The following ATP5PB variants were observed in gnomAD, a reference collection of about 807,000 sequenced individuals.
The protein encoded by ATP5PB is ATP synthase peripheral stalk-membrane subunit b.
A neutral mutation model predicts 34.5 loss-of-function variants in ATP5PB; 21 were observed. The observed-to-expected ratio is 0.61, with a 90% confidence interval of 0.43 to 0.88. The LOEUF is 0.88. Among genes scored for constraint, ATP5PB ranks in the 40% least tolerant of loss-of-function variants. ATP5PB has a pLI of 0.00. For missense variants in ATP5PB, 293 were observed against 317.4 expected (o/e 0.92, Z 0.58); for synonymous variants, 108 against 114.1 (o/e 0.95, Z 0.34).
At chr1:111,455,688 T>C (rs572078315) in intron 3 of ATP5PB, among the ~76,000 whole-genome samples, 1 of 152,372 alleles carries the variant, frequency 6.6e-6, no homozygotes, top group Non-Finnish European at 1.5e-5. Flanking sequence ...TCCCATTCGA[T>C]AAATAGTATA....
At chr1:111,456,989 G>C (rs1033937530) in intron 5 of ATP5PB, among the ~76,000 whole-genome samples, 1 of 151,036 alleles carries the variant, frequency 6.6e-6, no homozygotes, top group Non-Finnish European at 1.5e-5. Flanking sequence ...AAAAAATTTT[G>C]GATCCACACA....
intron 5 of ATP5PB, among the ~76,000 whole-genome samples, chr1:111,457,659 G>T (rs1653514032): frequency 6.6e-6 from 1 of 152,074 alleles, no homozygotes; most frequent in Non-Finnish European, 1.5e-5. Flanking sequence ...GGCCAATGTG[G>T]TCTTGGTACC....
chr1:111,455,358 T>C (rs1215051099), intron 3 of ATP5PB, among the ~76,000 whole-genome samples: 1 of 152,216 alleles, frequency 6.6e-6, no homozygotes, highest in Non-Finnish European at 1.5e-5. Context: ...TAAAATGTAT[T>C]TGAGTTTGTA....
Position 111,462,729 on chromosome 1 carries a change from G to A in ATP5PB, c.*1735G>A, listed in dbSNP as rs779852448. 1 of 152,262 alleles carries A rather than the reference G, an allele frequency of 6.6e-6. No individual in the cohort carries two copies. The highest frequency in any genetic ancestry group is 1.9e-4 in the East Asian group (1 of 5,186). 9.4% of individuals were successfully genotyped at this position (152,262 alleles called of 1,614,324 possible). The stretch of plus-strand genomic sequence containing the variant: ...TTGTTACTTAAAGATAATTTGATTG[G>A]ATCAGCAGTTATTTCAAATTGATTA... On this transcript the variant is annotated 3_prime_UTR_variant, in exon 7 of 7. Coordinates refer to ENST00000369722, the MANE Select transcript of ATP5PB (RefSeq NM_001688.5).
chr1:111,452,411 A>G (rs1037331733), intron 2 of ATP5PB, among the ~76,000 whole-genome samples: 3 of 152,120 alleles, frequency 2.0e-5, no homozygotes, highest in East Asian at 1.9e-4. Flanking sequence ...ATAAAAAAAA[A>G]AAATAGCTGG....
At chr1:111,460,070 G>A (rs1447588913) in intron 6 of ATP5PB, among the ~76,000 whole-genome samples, 1 of 152,096 alleles carries the variant, frequency 6.6e-6, no homozygotes, top group African/African-American at 2.4e-5. Context: ...AGGCTGAGGT[G>A]ACAGGATCTC....
chr1:111,452,292 G>A (rs1653354821), intron 2 of ATP5PB, among the ~76,000 whole-genome samples: 1 of 152,174 alleles, frequency 6.6e-6, no homozygotes. Context: ...CAGAGGCCAG[G>A]TATAGTGTCT....
Position 111,451,706 on chromosome 1 carries a change from G to GA in ATP5PB, c.77+1833_77+1834insA, listed in dbSNP as rs1653341824. On this transcript the variant is annotated intron_variant, in intron 2 of 6. Coordinates refer to ENST00000369722, the MANE Select transcript of ATP5PB (RefSeq NM_001688.5). Reference sequence around the variant, plus strand: ...ATTGCTATAAAGTCATGGTATGAAGGGCATACAAGGCAGAAGGAGCAGCAT... The same window carrying GA: ...ATTGCTATAAAGTCATGGTATGAAGGAGCATACAAGGCAGAAGGAGCAGCAT... Among the ~76,000 whole-genome samples, 3 of 152,292 alleles carry GA rather than the reference G, an allele frequency of 2.0e-5. No homozygotes were observed. The South Asian group carries it at 6.2e-4, about 32-fold the overall frequency.
At chr1:111,458,740 A>G (rs1290930573) in intron 5 of ATP5PB, among the ~76,000 whole-genome samples, 4 of 152,098 alleles carry the variant, frequency 2.6e-5, no homozygotes, top group Admixed American at 6.5e-5. Flanking sequence ...TGTGATGCCT[A>G]TGGGTTAGCC....
chr1:111,458,841 G>T (rs188533368), intron 5 of ATP5PB, among the ~76,000 whole-genome samples: 1 of 152,102 alleles, frequency 6.6e-6, no homozygotes, highest in Non-Finnish European at 1.5e-5. Context: ...GTAACCTTGG[G>T]CAAGTTTCCT....
chr1:111,459,677 C>G, intron 6 of ATP5PB, 41 bp downstream of exon 6: 1 of 1,586,642 alleles, frequency 6.3e-7, no homozygotes, highest in Non-Finnish European at 8.6e-7. Flanking sequence ...GTACTGGTAT[C>G]TCTTAACAAG....
Position 111,449,489 on chromosome 1 carries a change from C to G in ATP5PB, c.-53C>G, listed in dbSNP as rs763912567. On this transcript the variant is annotated 5_prime_UTR_variant, in exon 1 of 7. Coordinates refer to ENST00000369722, the MANE Select transcript of ATP5PB (RefSeq NM_001688.5). ...CATCTTGGTCCTGCCCTGACAGATT[C>G]TCCTATCGGGGTCACAGGGACGCTA... 1.3e-5 allele frequency: 21 copies of G among 1,614,120 alleles called. No individual in the cohort carries two copies. The highest frequency in any genetic ancestry group is 1.7e-5 in the Non-Finnish European group (20 of 1,180,048).
At chr1:111,455,453 C>A (rs1177116552) in intron 3 of ATP5PB, among the ~76,000 whole-genome samples, 1 of 152,182 alleles carries the variant, frequency 6.6e-6, no homozygotes, top group East Asian at 1.9e-4. Flanking sequence ...TGCTCTGGGC[C>A]TCCCTTACAT....
At chr1:111,457,692 G>A (rs1653514604) in intron 5 of ATP5PB, among the ~76,000 whole-genome samples, 2 of 152,094 alleles carry the variant, frequency 1.3e-5, no homozygotes, top group African/African-American at 4.8e-5. Context: ...GTTATCTTTG[G>A]TGTTAATTTT....
In ATP5PB at chr1:111,459,527, AT is replaced by A. The variant is rs1653559367; in HGVS notation, c.585del (p.Arg196AlafsTer11). On this transcript the variant is annotated frameshift_variant, in exon 6 of 7. Transcript: ENST00000369722. LOFTEE classifies it high-confidence loss of function. Reference protein sequence around the residue: ...RLYRVYKEVKNRLDYHISVQN... With the variant: ...RLYRVYKEVKXRLDYHISVQN... ...TATAGAGTATATAAGGAAGTAAAGA[AT>A]CGCCTGGACTATCATATATCTGTGC... 1 of 1,613,874 alleles carries A rather than the reference AT, an allele frequency of 6.2e-7. No homozygotes were observed. The highest frequency in any genetic ancestry group is 1.1e-5 in the South Asian group (1 of 91,084).
chr1:111,458,459 T>C (rs1206719670), intron 5 of ATP5PB, among the ~76,000 whole-genome samples: 1 of 152,160 alleles, frequency 6.6e-6, no homozygotes, highest in Non-Finnish European at 1.5e-5. Context: ...TTTGGGGAAA[T>C]AAGTTCCAGG....
Position 111,456,654 on chromosome 1 carries a change from G to T in ATP5PB, c.412G>T (p.Ala138Ser). ...GCAAAAACTTGCCCAACTAGAAGAG[G>T]CGAAGCAGGCTTCCATCCAACACAT... ...NEQKLAQLEE[A>S]KQASIQHIQN... The change falls in exon 5 of 7, where the codon GCG becomes TCG. Residue 138 changes from alanine to serine, a missense_variant. Transcript: ENST00000369722. The T allele has an allele frequency of 6.2e-7, 1 of 1,613,440 alleles. No homozygotes were observed. Among genetic ancestry groups the T allele is most frequent in the African/African-American group, 1.3e-5 (1 of 75,020 alleles).
At position 111,462,433 on chromosome 1, in the gene ATP5PB, A is replaced by G. The variant is rs973984585; in HGVS notation, c.*1439A>G. 2.0e-5 allele frequency: 3 copies of G among 152,232 alleles called. No individual in the cohort carries two copies. Among genetic ancestry groups the G allele is most frequent in the Non-Finnish European group, 4.4e-5 (3 of 68,048 alleles). The allele number at this position is 152,232 out of a possible 1,614,324, so 9.4% of individuals were successfully genotyped here. On this transcript the variant is annotated 3_prime_UTR_variant, in exon 7 of 7. Coordinates refer to ENST00000369722, the MANE Select transcript of ATP5PB (RefSeq NM_001688.5). ...CTTAAAAATGGTAAATTTTATGTGT[A>G]TTTTACAATCTTTTTTTAAATTGAA...
Position 111,451,247 on chromosome 1 carries a change from A to T in ATP5PB, c.77+1374A>T, listed in dbSNP as rs571855568. On this transcript the variant is annotated intron_variant, in intron 2 of 6. Transcript: ENST00000369722. ...CACCATCTCCTTGTGGTCTCTTTTT[A>T]GCTCATTCTCCAACCTTGGTGTTCC... Among the ~76,000 whole-genome samples the T allele has an allele frequency of 2.0e-5, 3 of 152,258 alleles. No individual in the cohort carries two copies. In the East Asian group the frequency reaches 5.8e-4, roughly 29 times the overall value.
Sources: gnomAD v4.1 joint callset for allele counts (sites outside exome capture counted in the v4.1 genomes callset) on GRCh38, gnomAD v4.1.1 for gene constraint, MANE v1.5 for transcripts, NCBI Gene and HGNC (gene_info 2026-07-23, HGNC 2026-07-21) for gene names.